The following VPS13B variants were observed in gnomAD, a reference collection of about 807,000 sequenced individuals.
VPS13B encodes intermembrane lipid transfer protein VPS13B.
A neutral mutation model predicts 426.4 loss-of-function variants in VPS13B; 285 were observed. That is an observed-to-expected ratio of 0.67 (90% CI 0.61 to 0.74). The LOEUF is 0.74. VPS13B is among the 30% of genes least tolerant of loss of function. The pLI is 0.00. For synonymous variants in VPS13B, 1,676 were observed against 1,676.4 expected, an observed-to-expected ratio of 1.00 and a Z score of 0.01; for missense variants, 4,537 against 4,782.6, an observed-to-expected ratio of 0.95 and a Z score of 1.51.
intron 33 of VPS13B, among the ~76,000 whole-genome samples, chr8:99,591,421 T>C (rs1395564800): frequency 6.6e-6 from 1 of 152,166 alleles, no homozygotes; most frequent in Admixed American, 6.5e-5. Context: ...TTTTGCCCGT[T>C]AAATGATGCA....
intron 39 of VPS13B, among the ~76,000 whole-genome samples, chr8:99,723,976 C>T (rs1269073998): frequency 6.6e-6 from 1 of 152,186 alleles, no homozygotes; most frequent in Admixed American, 6.5e-5. Flanking sequence ...TGATACCAAG[C>T]TGCTGAGCTC....
At chr8:99,053,921 C>T (rs1158384345) in intron 3 of VPS13B, among the ~76,000 whole-genome samples, 1 of 152,194 alleles carries the variant, frequency 6.6e-6, no homozygotes, top group South Asian at 2.1e-4. Flanking sequence ...CCAGGCTGAT[C>T]TCAAACTCCT....
intron 27 of VPS13B, among the ~76,000 whole-genome samples, chr8:99,506,360 C>T (rs1215810483): frequency 6.6e-6 from 1 of 152,136 alleles, no homozygotes; most frequent in Non-Finnish European, 1.5e-5. Context: ...ATGATCTTTG[C>T]AAGTGATAAT....
intron 39 of VPS13B, among the ~76,000 whole-genome samples, chr8:99,765,754 C>T (rs1034315544): frequency 2.6e-5 from 4 of 152,194 alleles, no homozygotes; most frequent in African/African-American, 9.6e-5. Context: ...TCTCTCCTAT[C>T]AGAATGAATA....
intron 39 of VPS13B, among the ~76,000 whole-genome samples, chr8:99,764,378 A>G (rs1015527227): frequency 5.7e-4 from 80 of 140,916 alleles, no homozygotes; most frequent in Middle Eastern, 3.8e-3. Context: ...TATTTCCTAG[A>G]TGTCTTTTTG....
intron 19 of VPS13B, among the ~76,000 whole-genome samples, chr8:99,349,332 C>CAAAAAAAAAAAA (rs35441676): frequency 8.4e-5 from 4 of 47,732 alleles, no homozygotes; most frequent in African/African-American, 2.0e-4. Flanking sequence ...GACTCCGTCT[C>CAAAAAAAAAAAA]AAAAAAAAAA....
chr8:99,320,283 G>GT (rs1809905512), intron 19 of VPS13B, among the ~76,000 whole-genome samples: 2 of 152,190 alleles, frequency 1.3e-5, no homozygotes, highest in African/African-American at 4.8e-5. Context: ...TATTTATATT[G>GT]TTTTGCTAAT....
At chr8:99,542,457 G>A (rs910000546) in intron 30 of VPS13B, among the ~76,000 whole-genome samples, 1 of 152,134 alleles carries the variant, frequency 6.6e-6, no homozygotes, top group Non-Finnish European at 1.5e-5. Flanking sequence ...GCCAGGTAGA[G>A]GAAAAGAAGG....
At chr8:99,626,777 A>G (rs1828632246) in intron 33 of VPS13B, among the ~76,000 whole-genome samples, 1 of 152,224 alleles carries the variant, frequency 6.6e-6, no homozygotes, top group African/African-American at 2.4e-5. Context: ...ATTTCTGAGT[A>G]TATACCCAAA....
At chr8:99,518,067 AACACTTTTGGCC>A (rs1360262155) in intron 29 of VPS13B, among the ~76,000 whole-genome samples, 1 of 152,034 alleles carries the variant, frequency 6.6e-6, no homozygotes, top group African/African-American at 2.4e-5. Flanking sequence ...ATCTACTGAG[AACACTTTTGGCC>A]CTAACAGAAA....
chr8:99,868,261 T>TTAAAATAA (rs1817203939), intron 58 of VPS13B, 28 bp from the exon 59 acceptor site: 1 of 1,613,966 alleles, frequency 6.2e-7, no homozygotes, highest in Non-Finnish European at 8.5e-7. Context: ...TAAGCCTCTG[T>TTAAAATAA]CCTTACTGAG....
chr8:99,551,314 GT>G (rs1025768067), intron 30 of VPS13B, among the ~76,000 whole-genome samples: 6 of 151,800 alleles, frequency 4.0e-5, no homozygotes, highest in Non-Finnish European at 8.8e-5. Context: ...AATTACTTAA[GT>G]TTTTTGTCAA....
chr8:99,508,949 T>C (rs1216770149), intron 28 of VPS13B, among the ~76,000 whole-genome samples: 1 of 152,108 alleles, frequency 6.6e-6, no homozygotes, highest in African/African-American at 2.4e-5. Context: ...ACCTTTCAAG[T>C]ATGCTTACAT....
intron 3 of VPS13B, among the ~76,000 whole-genome samples, chr8:99,050,895 T>A (rs968481418): frequency 1.2e-4 from 18 of 152,194 alleles, no homozygotes; most frequent in East Asian, 1.9e-4. Flanking sequence ...TTTTCTTGTA[T>A]ATTTGTTTGA....
In VPS13B at chr8:99,800,350, G is replaced by A. The variant is rs182752465; in HGVS notation, c.7942-9025G>A. Among the ~76,000 whole-genome samples, 6 of 152,120 alleles carry A rather than the reference G, an allele frequency of 3.9e-5. No homozygotes were observed. In the South Asian group the frequency reaches 1.0e-3, roughly 26 times the overall value. The stretch of plus-strand genomic sequence containing the variant: ...TCACAGCTCATGTTTTTTCAGTCAC[G>A]TATCATTTATAGGGAAGCCTTTAGA... On this transcript the variant is annotated intron_variant, in intron 43 of 61. Transcript: ENST00000357162.
Position 99,233,132 on chromosome 8 carries a change from G to A in VPS13B, c.2515+40075G>A, listed in dbSNP as rs1035992645. 44 of 1,339,056 alleles carry A rather than the reference G, an allele frequency of 3.3e-5. No homozygotes were observed. In the Admixed American group the frequency reaches 5.0e-4, roughly 15 times the overall value. 82.9% of individuals were successfully genotyped at this position (1,339,056 alleles called of 1,614,324 possible). A position where few individuals can be genotyped will look rare whatever the true frequency, so the allele number is the denominator to read the frequency against. ...TCTTGTACAGTTTCCCTGATACTGCGCTGTGCAGTCTGGCTAGCAAAGAAG... is the reference window on the plus strand; with the variant it reads ...TCTTGTACAGTTTCCCTGATACTGCACTGTGCAGTCTGGCTAGCAAAGAAG... On this transcript the variant is annotated intron_variant, in intron 17 of 61. Coordinates refer to ENST00000357162, the MANE Select transcript of VPS13B (RefSeq NM_152564.5).
At chr8:99,232,517 G>GAA (rs1003072320) in intron 17 of VPS13B, among the ~76,000 whole-genome samples, 5 of 150,758 alleles carry the variant, frequency 3.3e-5, no homozygotes, top group Non-Finnish European at 7.4e-5. Context: ...TCTTTAAAAA[G>GAA]AAAAAAAAAT....
intron 7 of VPS13B, 24 bp downstream of exon 7, chr8:99,115,898 A>G (rs1465181437): frequency 3.1e-6 from 5 of 1,607,112 alleles, no homozygotes; most frequent in Admixed American, 1.7e-5. Context: ...TTATTAAACA[A>G]AAACTTTATT....
At chr8:99,823,184 C>A (rs1814476533) in intron 50 of VPS13B, among the ~76,000 whole-genome samples, 1 of 152,198 alleles carries the variant, frequency 6.6e-6, no homozygotes, top group Non-Finnish European at 1.5e-5. Context: ...AGACCCTCTT[C>A]ATCTTTGTGA....
Sources: gnomAD v4.1 joint callset for allele counts (sites outside exome capture counted in the v4.1 genomes callset) on GRCh38, gnomAD v4.1.1 for gene constraint, MANE v1.5 for transcripts, NCBI Gene and HGNC (gene_info 2026-07-23, HGNC 2026-07-21) for gene names.